GALC: variants seen among roughly 807,000 people sequenced by gnomAD.
GALC encodes galactosylceramidase.
In GALC, 77 loss-of-function variants were observed where a neutral mutation model predicts 91.8. That is an observed-to-expected ratio of 0.84 (90% CI 0.70 to 1.01). GALC has a LOEUF of 1.01. Among genes scored for constraint, GALC ranks in the 50% least tolerant of loss-of-function variants. The pLI is 0.00. For missense variants in GALC, 882 were observed against 855.9 expected (o/e 1.03, Z -0.38); for synonymous variants, 357 against 306.7 (o/e 1.16, Z -1.71).
At chr14:87,979,212 A>G (rs1886639913) in intron 6 of GALC, among the ~76,000 whole-genome samples, 1 of 151,952 alleles carries the variant, frequency 6.6e-6, no homozygotes, top group African/African-American at 2.4e-5. Flanking sequence ...TTTTTAGTAG[A>G]GATGGGGTTT....
chr14:87,992,957 G>T lies in GALC; in HGVS notation c.195+13C>A. On this transcript the variant is annotated intron_variant, in intron 1 of 16. Transcript: ENST00000261304. ...TTGCCGCCCCCCGCGTATCCCCGCA[G>T]CTTGCCGCTCACCCCGCCGCCGCTG... The T allele has an allele frequency of 6.6e-7, 1 of 1,512,010 alleles. No individual in the cohort carries two copies. Among genetic ancestry groups the T allele is most frequent in the Non-Finnish European group, 8.8e-7 (1 of 1,138,768 alleles). 93.7% of individuals were successfully genotyped at this position (1,512,010 alleles called of 1,614,324 possible). A position where few individuals can be genotyped will look rare whatever the true frequency, so the allele number is the denominator to read the frequency against.
In GALC at chr14:87,993,040, G is replaced by C. The variant is rs1340488300; in HGVS notation, c.125C>G (p.Ala42Gly). The change falls in exon 1 of 17, where the codon GCG (alanine) becomes GGG (glycine). Residue 42 changes from alanine to glycine, a missense_variant. Physicochemically the swap from Ala to Gly is moderately conservative, Grantham distance 60. Coordinates refer to ENST00000261304, the MANE Select transcript of GALC (RefSeq NM_000153.4). The stretch of plus-strand genomic sequence containing the variant: ...CCCGTCGGAGTCGTCGAGCACGTAC[G>C]CGCCGCCGGGCGCCAGCAGCGCACA... ...LLCALLAPGGAYVLDDSDGLG... is the reference protein window; with the variant it reads ...LLCALLAPGGGYVLDDSDGLG... The C allele has an allele frequency of 1.3e-6, 2 of 1,554,030 alleles. No individual in the cohort carries two copies. The highest frequency in any genetic ancestry group is 2.4e-5 in the East Asian group (1 of 41,166).
At chr14:87,946,618 G>A (rs941337528) in intron 13 of GALC, among the ~76,000 whole-genome samples, 1 of 11,716 alleles carries the variant, frequency 8.5e-5, no homozygotes, top group Non-Finnish European at 2.8e-3. Flanking sequence ...TCTTGGTGCT[G>A]GCAGTTCTTC....
intron 8 of GALC, 119 bp downstream of exon 8, chr14:87,968,216 G>C: frequency 3.6e-6 from 3 of 826,040 alleles, no homozygotes; most frequent in Non-Finnish European, 5.7e-6. Flanking sequence ...ACGCTAACAA[G>C]GCAAAATGTT....
chr14:87,964,515 CTTTG>C (rs1173802312), intron 9 of GALC, among the ~76,000 whole-genome samples: 1 of 152,082 alleles, frequency 6.6e-6, no homozygotes. Context: ...GATTTTGTTA[CTTTG>C]TTTAAAATAT....
At chr14:87,950,043 T>A in intron 11 of GALC, 112 bp from the exon 12 acceptor site, 1 of 641,960 alleles carries the variant, frequency 1.6e-6, no homozygotes, top group East Asian at 2.7e-5. Flanking sequence ...TCTCTATTTA[T>A]CAAGAGAAAC....
rs1209341287 is a variant in GALC at position 87,949,873 on chromosome 14, A to G, written c.1310T>C (p.Phe437Ser). Residue 437 changes from phenylalanine to serine, a missense_variant, in exon 12 of 17, where the codon TTT (phenylalanine) becomes TCT (serine). Phe to Ser is a radical substitution (Grantham distance 155). Transcript: ENST00000261304. ...YTKLGKTSER[F>S]LFKQLDSLWL... ...TAGAGAATCCAGCTGCTTAAAAAGA[A>G]ATCTTTCGGATGTTTTTCCAAGTTT... 2 of 1,596,396 alleles carry G rather than the reference A, an allele frequency of 1.3e-6. No homozygotes were observed. The highest frequency in any genetic ancestry group is 4.5e-5 in the East Asian group (2 of 44,646).
intron 10 of GALC, among the ~76,000 whole-genome samples, chr14:87,960,886 T>C (rs963122857): frequency 2.0e-5 from 3 of 152,108 alleles, no homozygotes; most frequent in Non-Finnish European, 2.9e-5. Context: ...TACATAAATA[T>C]AAATCTTCAG....
At position 87,988,496 on chromosome 14, in the gene GALC, G is replaced by A. The variant is rs1398608264; in HGVS notation, c.223C>T (p.Pro75Ser). The stretch of plus-strand genomic sequence containing the variant: ...AATATCTGAGAACGATAGGGCTCTG[G>A]GTAATTTACTAGAAGTCGGGAGGTT... ...GATSRLLVNY[P>S]EPYRSQILDY... Residue 75 changes from proline to serine, a missense_variant, in exon 2 of 17, where the codon CCA (proline) becomes TCA (serine). Pro to Ser is a moderately conservative substitution (Grantham distance 74). Coordinates refer to ENST00000261304, the MANE Select transcript of GALC (RefSeq NM_000153.4). 15 of 1,611,778 alleles carry A rather than the reference G, an allele frequency of 9.3e-6. No homozygotes were observed. Among genetic ancestry groups the A allele is most frequent in the Admixed American group, 1.7e-5 (1 of 59,990 alleles).
At chr14:87,937,478 T>C (rs1884628968) in intron 16 of GALC, among the ~76,000 whole-genome samples, 1 of 151,778 alleles carries the variant, frequency 6.6e-6, no homozygotes, top group African/African-American at 2.4e-5. Flanking sequence ...CCATAGTTGA[T>C]GAAACACAAA....
intron 7 of GALC, among the ~76,000 whole-genome samples, chr14:87,971,367 A>G (rs897073859): frequency 6.6e-6 from 1 of 152,196 alleles, no homozygotes; most frequent in African/African-American, 2.4e-5. Context: ...ACAGGCTTGA[A>G]GTTAGGGGTC....
intron 14 of GALC, among the ~76,000 whole-genome samples, chr14:87,944,862 T>A (rs925246858): frequency 2.0e-5 from 3 of 152,002 alleles, no homozygotes; most frequent in African/African-American, 7.2e-5. Flanking sequence ...GTACTAGCTC[T>A]AAACCTGGAA....
chr14:87,974,060 A>T (rs577663501), intron 7 of GALC, among the ~76,000 whole-genome samples: 2 of 152,330 alleles, frequency 1.3e-5, no homozygotes, highest in South Asian at 2.1e-4. Context: ...GGATAGTATA[A>T]ATCATTCAAT....
chr14:87,949,694 C>A, intron 12 of GALC, 151 bp downstream of exon 12: 1 of 555,246 alleles, frequency 1.8e-6, no homozygotes, highest in South Asian at 2.2e-5. Context: ...GCGTCACCAT[C>A]CACCAAGACA....
chr14:87,954,944 C>CA lies in GALC; in HGVS notation c.1162-4197dup. ...CATGATGTTTACATCCGTGTAGACTCAAAGCTGATAGAGAAGATTCTTCTC... is the reference window on the plus strand; with the variant it reads ...CATGATGTTTACATCCGTGTAGACTCAAAAGCTGATAGAGAAGATTCTTCTC... On this transcript the variant is annotated intron_variant, in intron 10 of 16. Coordinates refer to ENST00000261304, the MANE Select transcript of GALC (RefSeq NM_000153.4). The CA allele has an allele frequency of 2.0e-6, 3 of 1,499,894 alleles. 1 individual carries two copies. The highest frequency in any genetic ancestry group is 1.4e-5 in the African/African-American group (1 of 72,650). 92.9% of individuals were successfully genotyped at this position (1,499,894 alleles called of 1,614,324 possible). A position where few individuals can be genotyped will look rare whatever the true frequency, so the allele number is the denominator to read the frequency against.
At chr14:87,967,709 G>T (rs1886113541) in intron 8 of GALC, among the ~76,000 whole-genome samples, 1 of 152,100 alleles carries the variant, frequency 6.6e-6, no homozygotes, top group Non-Finnish European at 1.5e-5. Context: ...CAGACAGGCT[G>T]GGAAGCAGAC....
chr14:87,936,920 A>ATATATATATATATATT (rs1257801348), intron 16 of GALC, among the ~76,000 whole-genome samples: 5 of 141,398 alleles, frequency 3.5e-5, no homozygotes, highest in East Asian at 4.2e-4. Context: ...ATATTTATTT[A>ATATATATATATATATT]TTTTCTCATT....
At chr14:87,992,211 C>G in intron 1 of GALC, 1 of 1,383,316 alleles carries the variant, frequency 7.2e-7, no homozygotes, top group Non-Finnish European at 9.9e-7. Context: ...CCAACTCAAC[C>G]CCAAAAATCC....
At chr14:87,944,676 T>C (rs1884993197) in intron 14 of GALC, among the ~76,000 whole-genome samples, 1 of 152,022 alleles carries the variant, frequency 6.6e-6, no homozygotes, top group Non-Finnish European at 1.5e-5. Flanking sequence ...AAGACTTATG[T>C]CAGAGCTTGG....
Sources: gnomAD v4.1 joint callset for allele counts (sites outside exome capture counted in the v4.1 genomes callset) on GRCh38, gnomAD v4.1.1 for gene constraint, MANE v1.5 for transcripts, NCBI Gene and HGNC (gene_info 2026-07-23, HGNC 2026-07-21) for gene names.